The following RANBP9 variants were observed in gnomAD, a reference collection of about 807,000 sequenced individuals.
RANBP9 encodes the protein RAN binding protein 9, also known as ran-binding protein 9.
RANBP9 carries 15 observed loss-of-function variants against 84.3 expected under a neutral mutation model. That is an observed-to-expected ratio of 0.18 (90% CI 0.12 to 0.27). The LOEUF (loss-of-function observed/expected upper bound fraction) is 0.27. Ranked by LOEUF, RANBP9 falls within the 10% of genes least tolerant of loss-of-function variation. The pLI, the probability that RANBP9 is intolerant of heterozygous loss-of-function variation, is 1.00. For missense variants in RANBP9, 809 were observed against 912.8 expected (o/e 0.89, Z 1.46); for synonymous variants, 392 against 349.6 (o/e 1.12, Z -1.35).
chr6:13,639,961 C>T (rs577353293), intron 8 of RANBP9, among the ~76,000 whole-genome samples: 33 of 152,162 alleles, frequency 2.2e-4, no homozygotes, highest in Non-Finnish European at 3.8e-4. Context: ...GTAATAGACA[C>T]TATAATAATA....
At chr6:13,670,678 T>C (rs1307015609) in intron 2 of RANBP9, among the ~76,000 whole-genome samples, 5 of 151,752 alleles carry the variant, frequency 3.3e-5, no homozygotes, top group Non-Finnish European at 7.4e-5. Context: ...TGGGCGCCTG[T>C]AGTCCCAGCT....
chr6:13,659,455 T>C lies in RANBP9; in HGVS notation c.684-623A>G, dbSNP rs77249077. Among the ~76,000 whole-genome samples, 889 of 152,262 alleles carry C rather than the reference T, an allele frequency of 5.8e-3. 4 individuals are homozygous for C. The highest frequency in any genetic ancestry group is 0.02 in the African/African-American group (833 of 41,568). On this transcript the variant is annotated intron_variant, in intron 2 of 13. Transcript: ENST00000011619. ...GTTCTTTATTATCAATTTATAAAGT[T>C]AGAACAAAACAGTCTCCACACAATA... is the stretch of plus-strand genomic sequence containing the variant.
intron 2 of RANBP9, among the ~76,000 whole-genome samples, chr6:13,669,749 T>C (rs530498385): frequency 1.3e-5 from 2 of 152,234 alleles, no homozygotes; most frequent in African/African-American, 4.8e-5. Context: ...CCACCATGCC[T>C]GGCTAACTTT....
At chr6:13,657,056 G>A (rs1765415793) in intron 4 of RANBP9, 53 bp downstream of exon 4, 12 of 1,448,528 alleles carry the variant, frequency 8.3e-6, no homozygotes, top group Admixed American at 3.9e-5. Flanking sequence ...CATCCTGGAA[G>A]TATAATAATC....
chr6:13,688,486 C>G (rs1213459941), intron 2 of RANBP9, among the ~76,000 whole-genome samples: 1 of 152,152 alleles, frequency 6.6e-6, no homozygotes, highest in Admixed American at 6.5e-5. Context: ...CTGTGTATCT[C>G]ATACTGGATT....
At chr6:13,699,547 A>G (rs185687814) in intron 1 of RANBP9, among the ~76,000 whole-genome samples, 50 of 152,290 alleles carry the variant, frequency 3.3e-4, no homozygotes, top group Admixed American at 6.5e-4. Context: ...CCAAAAATCC[A>G]AAATCTAAAA....
In RANBP9 at chr6:13,711,677, CGCGGGAGTAG is replaced by C. The variant is rs1758293899; in HGVS notation, c.-182_-173del. 1.4e-5 allele frequency: 6 copies of C among 442,690 alleles called. No homozygotes were observed. The highest frequency in any genetic ancestry group is 2.1e-5 in the Non-Finnish European group (6 of 290,516). 27.4% of individuals were successfully genotyped at this position (442,690 alleles called of 1,614,324 possible). On this transcript the variant is annotated 5_prime_UTR_variant, in exon 1 of 14. Coordinates refer to ENST00000011619, the MANE Select transcript of RANBP9 (RefSeq NM_005493.3). ...CCGCGGCGGTTGAGGAGCTCGGAGA[CGCGGGAGTAG>C]GCGGCGGGCCCGGGAGGCCGGGAGA...
At chr6:13,710,007 A>G (rs368682688) in intron 1 of RANBP9, among the ~76,000 whole-genome samples, 40 of 152,224 alleles carry the variant, frequency 2.6e-4, no homozygotes, top group African/African-American at 9.4e-4. Flanking sequence ...TTTTTCTTCC[A>G]CACAAGTAAA....
intron 3 of RANBP9, among the ~76,000 whole-genome samples, chr6:13,657,984 C>T (rs987816325): frequency 3.3e-5 from 5 of 152,086 alleles, no homozygotes; most frequent in African/African-American, 9.7e-5. Flanking sequence ...CAAAAAGTCT[C>T]GCCAAAATTA....
At position 13,645,850 on chromosome 6, in the gene RANBP9, T is replaced by C. The variant is rs138112326; in HGVS notation, c.928-1121A>G. Among the ~76,000 whole-genome samples, 391 of 152,288 alleles carry C rather than the reference T, an allele frequency of 2.6e-3. 2 individuals carry two copies. Among genetic ancestry groups the C allele is most frequent in the African/African-American group, 8.1e-3 (336 of 41,558 alleles). The stretch of plus-strand genomic sequence containing the variant: ...ATAATTTCTGTGTGAATATGTTAAA[T>C]AGATTTCACAGTAAAATGCAAAGAG... On this transcript the variant is annotated intron_variant, in intron 5 of 13. Coordinates refer to ENST00000011619, the MANE Select transcript of RANBP9 (RefSeq NM_005493.3).
chr6:13,628,636 T>A (rs1764691019), intron 12 of RANBP9, among the ~76,000 whole-genome samples: 1 of 152,102 alleles, frequency 6.6e-6, no homozygotes, highest in African/African-American at 2.4e-5. Flanking sequence ...AAATAAAAAA[T>A]GGTTTATACC....
intron 4 of RANBP9, among the ~76,000 whole-genome samples, chr6:13,656,115 C>T (rs1311275209): frequency 6.6e-6 from 1 of 152,000 alleles, no homozygotes; most frequent in Non-Finnish European, 1.5e-5. Flanking sequence ...GCCAATGCAG[C>T]CAGAAATTCA....
chr6:13,678,443 G>A (rs1765947850), intron 2 of RANBP9, among the ~76,000 whole-genome samples: 1 of 152,286 alleles, frequency 6.6e-6, no homozygotes, highest in Middle Eastern at 3.4e-3. Context: ...TTAGAGATAA[G>A]AGGGCTCACA....
At chr6:13,651,623 A>C (rs1765300033) in intron 5 of RANBP9, among the ~76,000 whole-genome samples, 1 of 151,216 alleles carries the variant, frequency 6.6e-6, no homozygotes, top group Admixed American at 6.6e-5. Flanking sequence ...GATGGTCTCG[A>C]TCTCCTGACC....
intron 1 of RANBP9, among the ~76,000 whole-genome samples, chr6:13,705,995 A>G (rs534479996): frequency 1.1e-4 from 17 of 152,306 alleles, no homozygotes; most frequent in Non-Finnish European, 2.2e-4. Context: ...TAGATAAGCA[A>G]TTATATTTAG....
chr6:13,637,752 A>ATTACACCTATAATCGTTGC (rs1764974423), intron 10 of RANBP9, 56 bp downstream of exon 10: 7 of 1,438,080 alleles, frequency 4.9e-6, no homozygotes, highest in Non-Finnish European at 6.5e-6. Context: ...TATTACAACG[A>ATTACACCTATAATCGTTGC]TTACACCTAT....
rs574986732 is a variant in RANBP9 at position 13,637,217 on chromosome 6, T to C, written c.1673+591A>G. Among the ~76,000 whole-genome samples the C allele has an allele frequency of 4.6e-5, 7 of 152,318 alleles. No homozygotes were observed. The South Asian group carries it at 1.2e-3, about 27-fold the overall frequency. On this transcript the variant is annotated intron_variant, in intron 10 of 13. Coordinates refer to ENST00000011619, the MANE Select transcript of RANBP9 (RefSeq NM_005493.3). ...CCTCTTCAAAGTGAGACACCCTACCTAGCAGAATGTTTGGTGCCCAACAAA... is the reference window on the plus strand; with the variant it reads ...CCTCTTCAAAGTGAGACACCCTACCCAGCAGAATGTTTGGTGCCCAACAAA...
chr6:13,706,475 A>AT (rs1304384948), intron 1 of RANBP9, among the ~76,000 whole-genome samples: 10 of 151,794 alleles, frequency 6.6e-5, no homozygotes, highest in East Asian at 3.9e-4. Flanking sequence ...CGGGCAGATC[A>AT]CGAGGTCAAG....
At chr6:13,694,578 T>C (rs1404979146) in intron 2 of RANBP9, among the ~76,000 whole-genome samples, 1 of 152,198 alleles carries the variant, frequency 6.6e-6, no homozygotes, top group African/African-American at 2.4e-5. Context: ...TCCGCATTTA[T>C]CTGTGGTTTT....
Sources: allele counts gnomAD v4.1 joint callset (sites outside exome capture counted in the v4.1 genomes callset), GRCh38; gene constraint gnomAD v4.1.1; transcripts MANE v1.5; gene names NCBI Gene and HGNC (gene_info 2026-07-23, HGNC 2026-07-21).